Variants in DNAH9 observed in about 807,000 individuals in gnomAD.
DNAH9 encodes the protein DNAH9 variant protein.
DNAH9 carries 345 observed loss-of-function variants against 471.6 expected under a neutral mutation model. The ratio of observed to expected loss-of-function variants is 0.73; its 90% CI spans 0.67 to 0.80. DNAH9 has a LOEUF of 0.80. Among genes scored for constraint, DNAH9 ranks in the 30% least tolerant of loss-of-function variants. The probability of loss-of-function intolerance (pLI) is 0.00; values close to 1 mark genes in which losing one functional copy is unlikely to be tolerated. For synonymous variants in DNAH9, 2,093 were observed against 2,123.6 expected, an observed-to-expected ratio of 0.99 and a Z score of 0.40; for missense variants, 5,407 against 5,609.2, an observed-to-expected ratio of 0.96 and a Z score of 1.15.
At chr17:11,641,506 G>A (rs1215975399) in intron 10 of DNAH9, among the ~76,000 whole-genome samples, 1 of 152,152 alleles carries the variant, frequency 6.6e-6, no homozygotes, top group Non-Finnish European at 1.5e-5. Flanking sequence ...TGGAGGAAAT[G>A]AAGAGAGAAG....
At chr17:11,638,719 A>T (rs1011096736) in intron 9 of DNAH9, among the ~76,000 whole-genome samples, 2 of 152,128 alleles carry the variant, frequency 1.3e-5, no homozygotes, top group African/African-American at 4.8e-5. Flanking sequence ...GGAGTCCAGC[A>T]TGGTGCATCT....
intron 1 of DNAH9, 149 bp from the exon 2 acceptor site, chr17:11,607,980 A>G: frequency 3.5e-6 from 2 of 567,418 alleles, no homozygotes; most frequent in Non-Finnish European, 6.2e-6. Flanking sequence ...TCAAGGTCGT[A>G]TGTAATGTTC....
intron 43 of DNAH9, among the ~76,000 whole-genome samples, chr17:11,806,669 T>TGCAA (rs1555599718): frequency 6.6e-6 from 1 of 151,646 alleles, no homozygotes; most frequent in Non-Finnish European, 1.5e-5. Flanking sequence ...ACAATGTATG[T>TGCAA]ACATATATAT....
intron 59 of DNAH9, among the ~76,000 whole-genome samples, chr17:11,895,698 A>C (rs1432617337): frequency 6.6e-6 from 1 of 152,148 alleles, no homozygotes; most frequent in Non-Finnish European, 1.5e-5. Context: ...TCCCTTACCC[A>C]GTTCCCAATA....
intron 19 of DNAH9, 41 bp from the exon 20 acceptor site, chr17:11,689,525 C>T (rs769423994): frequency 2.9e-5 from 45 of 1,554,408 alleles, no homozygotes; most frequent in Admixed American, 7.2e-5. Flanking sequence ...AGATGGGCCC[C>T]TGCGTGCCAT....
chr17:11,963,764 T>C (rs35537484), intron 68 of DNAH9, among the ~76,000 whole-genome samples: 43,874 of 152,126 alleles, frequency 0.29, 7,737 homozygotes, highest in Non-Finnish European at 0.4. Context: ...TAAAGTCTCA[T>C]GGAGTATATT....
At chr17:11,862,736 A>T (rs934599764) in intron 50 of DNAH9, among the ~76,000 whole-genome samples, 1 of 152,140 alleles carries the variant, frequency 6.6e-6, no homozygotes, top group Non-Finnish European at 1.5e-5. Context: ...GGTCCTTCAC[A>T]TCCCTTGTAA....
chr17:11,694,320 G>A lies in DNAH9; in HGVS notation c.4746-1G>A. 1 of 1,613,910 alleles carries A rather than the reference G, an allele frequency of 6.2e-7. No homozygotes were observed. Among genetic ancestry groups the A allele is most frequent in the Non-Finnish European group, 8.5e-7 (1 of 1,179,974 alleles). On this transcript the variant is annotated splice_acceptor_variant, in intron 21 of 68. Transcript: ENST00000262442. LOFTEE classifies it high-confidence loss of function. ...GGAAATTCTATGTTCTGTGCCCTCA[G>A]ATTGTGCCTGTGTGAGAAGGCCCTG... is the stretch of plus-strand genomic sequence containing the variant.
chr17:11,924,459 AC>A (rs1257559372), intron 62 of DNAH9, among the ~76,000 whole-genome samples: 1 of 152,102 alleles, frequency 6.6e-6, no homozygotes, highest in African/African-American at 2.4e-5. Context: ...CTGAACAGTT[AC>A]AAGGAAAAAA....
intron 50 of DNAH9, 81 bp downstream of exon 50, chr17:11,854,509 C>T (rs1343670178): frequency 4.6e-5 from 66 of 1,440,172 alleles, no homozygotes; most frequent in Non-Finnish European, 4.3e-5. Context: ...TAACACCTAA[C>T]GTTACGGTTT....
At chr17:11,801,924 C>G (rs185561252) in intron 43 of DNAH9, among the ~76,000 whole-genome samples, 2 of 152,286 alleles carry the variant, frequency 1.3e-5, no homozygotes, top group East Asian at 3.9e-4. Flanking sequence ...GCTACAAACA[C>G]TGGCTTTCTT....
chr17:11,871,891 C>A, intron 52 of DNAH9, 105 bp downstream of exon 52: 1 of 1,189,324 alleles, frequency 8.4e-7, no homozygotes, highest in South Asian at 1.4e-5. Flanking sequence ...GCACACTCAT[C>A]CCCACCACCC....
intron 29 of DNAH9, among the ~76,000 whole-genome samples, chr17:11,741,436 G>A (rs1176380755): frequency 3.9e-5 from 6 of 151,946 alleles, no homozygotes; most frequent in East Asian, 1.9e-4. Context: ...GGCACAAACC[G>A]CAATTATTTT....
chr17:11,723,029 G>GGTCTCCT (rs1339459854), intron 27 of DNAH9: 10 of 152,240 alleles, frequency 6.6e-5, no homozygotes, highest in African/African-American at 2.4e-4. Flanking sequence ...CTGAGTCTCT[G>GGTCTCCT]GTCTCCTGGC....
intron 50 of DNAH9, among the ~76,000 whole-genome samples, chr17:11,867,078 C>G (rs931259798): frequency 1.3e-5 from 2 of 152,236 alleles, no homozygotes; most frequent in African/African-American, 2.4e-5. Context: ...CCTGGTACCT[C>G]AGATGGAAAT....
Position 11,704,258 on chromosome 17 carries a change from C to T in DNAH9, c.5207C>T (p.Ala1736Val). The change falls in exon 25 of 69, where the codon GCC (alanine) becomes GTC (valine). Residue 1736 changes from alanine (A) to valine (V), a missense_variant. By Grantham distance (64) the Ala-to-Val change is moderately conservative. Coordinates refer to ENST00000262442, the MANE Select transcript of DNAH9 (RefSeq NM_001372.4). ...ACAACAGAAGTGGGCATGGCATTTG[C>T]CAGGCTGGAGGAAGGCTATGAGAGT... ...WWTTEVGMAFARLEEGYESAM... is the reference protein window; with the variant it reads ...WWTTEVGMAFVRLEEGYESAM... 6.2e-7 allele frequency: 1 copy of T among 1,614,142 alleles called. No individual in the cohort carries two copies. Among genetic ancestry groups the T allele is most frequent in the Non-Finnish European group, 8.5e-7 (1 of 1,179,998 alleles).
intron 61 of DNAH9, among the ~76,000 whole-genome samples, chr17:11,913,554 G>A (rs1023100722): frequency 1.1e-4 from 16 of 152,068 alleles, no homozygotes; most frequent in Admixed American, 3.9e-4. Flanking sequence ...AGGCCGAGGC[G>A]AGCGGATCAC....
At position 11,623,055 on chromosome 17, in the gene DNAH9, C is replaced by A. The variant is rs1266776065; in HGVS notation, c.1350+3274C>A. Among the ~76,000 whole-genome samples the A allele has an allele frequency of 6.6e-6, 1 of 150,606 alleles. No homozygotes were observed. The highest frequency in any genetic ancestry group is 3.2e-3 in the Middle Eastern group (1 of 316). ...GTGGCACAATCTCGGCTCACGACAA[C>A]CTCTGCCTCCTGGGTTCAAGCGATT... On this transcript the variant is annotated intron_variant, in intron 6 of 68. Transcript: ENST00000262442. The surrounding 1 kb of genome is among the most constrained non-coding windows in gnomAD (Gnocchi z 4.1).
At chr17:11,902,163 T>C (rs1182592152) in intron 59 of DNAH9, among the ~76,000 whole-genome samples, 2 of 152,182 alleles carry the variant, frequency 1.3e-5, no homozygotes, top group African/African-American at 4.8e-5. Context: ...GACACATGAC[T>C]TACTGGACAG....
Sources: allele counts gnomAD v4.1 joint callset (sites outside exome capture counted in the v4.1 genomes callset), GRCh38; gene constraint gnomAD v4.1.1; non-coding constraint Gnocchi (gnomAD v3.1); transcripts MANE v1.5; gene names NCBI Gene and HGNC (gene_info 2026-07-23, HGNC 2026-07-21).